GANC: variants seen among roughly 807,000 people sequenced by gnomAD.
GANC encodes glucosidase alpha, neutral C.
In GANC, 117 loss-of-function variants were observed where a neutral mutation model predicts 124.2. The observed-to-expected ratio is 0.94, with a 90% confidence interval of 0.81 to 1.10. The LOEUF is 1.10. Ranked by LOEUF, GANC falls within the 50% of genes least tolerant of loss-of-function variation. GANC has a pLI of 0.00. For synonymous variants in GANC, 377 were observed against 376.8 expected, an observed-to-expected ratio of 1.00 and a Z score of -0.01; for missense variants, 1,140 against 1,095.0, an observed-to-expected ratio of 1.04 and a Z score of -0.58.
At chr15:42,340,835 C>T (rs1454574077) in intron 18 of GANC, 81 bp downstream of exon 18, 15 of 1,082,152 alleles carry the variant, frequency 1.4e-5, no homozygotes, top group East Asian at 2.5e-5. Context: ...GATGCTATCT[C>T]GGCTCACTGC....
chr15:42,273,478 GGCGGGATTATCC>G lies in GANC; in HGVS notation c.-1002_-991del, dbSNP rs1450328357. The G allele has an allele frequency of 6.3e-7, 1 of 1,584,582 alleles. No homozygotes were observed. Among genetic ancestry groups the G allele is most frequent in the African/African-American group, 1.3e-5 (1 of 74,442 alleles). On this transcript the variant is annotated 5_prime_UTR_variant, in exon 1 of 24. Transcript: ENST00000318010. ...CGCCTTCTTCCGGCTCTGCTCTAAGGGCGGGATTATCCGGGTCCTGGAAACGTCGCGGAGCTT... is the reference window on the plus strand; with the variant it reads ...CGCCTTCTTCCGGCTCTGCTCTAAGGGGGTCCTGGAAACGTCGCGGAGCTT...
chr15:42,302,173 G>T (rs1422976690), intron 6 of GANC, among the ~76,000 whole-genome samples: 2 of 152,196 alleles, frequency 1.3e-5, no homozygotes, highest in Non-Finnish European at 2.9e-5. Context: ...AGCAATCTTT[G>T]CTGTTCTGCA....
intron 11 of GANC, 121 bp downstream of exon 11, chr15:42,322,141 A>T (rs111901432): frequency 4.0e-6 from 3 of 752,570 alleles, no homozygotes; most frequent in African/African-American, 1.8e-5. Context: ...AAAATAGTAG[A>T]TTCAAATATA....
At chr15:42,327,494 G>A in intron 13 of GANC, 52 bp downstream of exon 13, 1 of 1,315,858 alleles carries the variant, frequency 7.6e-7, no homozygotes, top group Non-Finnish European at 1.1e-6. Flanking sequence ...AGTGAAAGAA[G>A]TGGAAAAAGT....
At chr15:42,301,443 C>T (rs2051945155) in intron 6 of GANC, among the ~76,000 whole-genome samples, 1 of 151,920 alleles carries the variant, frequency 6.6e-6, no homozygotes. Context: ...AGACACCGAG[C>T]TAGCTGCAGG....
chr15:42,298,679 A>G (rs1024997635), intron 6 of GANC, among the ~76,000 whole-genome samples: 2 of 152,142 alleles, frequency 1.3e-5, no homozygotes, highest in Non-Finnish European at 2.9e-5. Flanking sequence ...CACAATATTG[A>G]TTCTTCCTAT....
intron 5 of GANC, among the ~76,000 whole-genome samples, chr15:42,295,329 A>G (rs2051880163): frequency 6.6e-6 from 1 of 152,088 alleles, no homozygotes; most frequent in Admixed American, 6.6e-5. Flanking sequence ...ACTGGTAGCT[A>G]TAGTTCCATG....
chr15:42,330,139 C>A (rs1005063509), intron 14 of GANC, among the ~76,000 whole-genome samples: 5 of 152,138 alleles, frequency 3.3e-5, no homozygotes, highest in Admixed American at 2.0e-4. Context: ...TGTGTGTTTG[C>A]CTCTTTAACA....
In GANC at chr15:42,274,421, A is replaced by C; in HGVS notation, c.-61A>C. On this transcript the variant is annotated 5_prime_UTR_variant, in exon 1 of 24. Coordinates refer to ENST00000318010, the MANE Select transcript of GANC (RefSeq NM_198141.3). ...AGAAAGACACCCAATCGGCTTTTTTAAAAGATCGCCCAGGGCCCTTGTCCT... is the reference window on the plus strand; with the variant it reads ...AGAAAGACACCCAATCGGCTTTTTTCAAAGATCGCCCAGGGCCCTTGTCCT... 6.3e-7 allele frequency: 1 copy of C among 1,575,382 alleles called. No homozygotes were observed. Among genetic ancestry groups the C allele is most frequent in the Non-Finnish European group, 8.6e-7 (1 of 1,158,852 alleles).
At chr15:42,288,936 GA>G in intron 4 of GANC, among the ~76,000 whole-genome samples, 1 of 152,254 alleles carries the variant, frequency 6.6e-6, no homozygotes, top group Admixed American at 6.5e-5. Flanking sequence ...TATCCTGAAG[GA>G]TAGTACAGCC....
Position 42,278,468 on chromosome 15 carries a change from C to T in GANC, c.93-14C>T, listed in dbSNP as rs779732231. ...CAAATAATTATCAAGCATCTGCATA[C>T]TCCGTATCTATAGGCGTCAGAAACA... is the stretch of plus-strand genomic sequence containing the variant. On this transcript the variant is annotated splice_polypyrimidine_tract_variant and intron_variant, in intron 2 of 23. Coordinates refer to ENST00000318010, the MANE Select transcript of GANC (RefSeq NM_198141.3). 74 of 1,541,288 alleles carry T rather than the reference C, an allele frequency of 4.8e-5. No individual in the cohort carries two copies. Among genetic ancestry groups the T allele is most frequent in the Middle Eastern group, 1.7e-4 (1 of 5,880 alleles).
intron 4 of GANC, 110 bp from the exon 5 acceptor site, chr15:42,292,625 G>A: frequency 9.4e-7 from 1 of 1,069,066 alleles, no homozygotes; most frequent in Non-Finnish European, 1.3e-6. Context: ...CTTATCTATG[G>A]CTATGTCACA....
intron 11 of GANC, among the ~76,000 whole-genome samples, chr15:42,325,074 G>A (rs2052187627): frequency 2.0e-5 from 3 of 151,312 alleles, no homozygotes; most frequent in Non-Finnish European, 4.4e-5. Flanking sequence ...GATCAGCCTG[G>A]CCAACATAAT....
intron 11 of GANC, among the ~76,000 whole-genome samples, chr15:42,323,594 C>T (rs2052177966): frequency 6.6e-6 from 1 of 152,114 alleles, no homozygotes; most frequent in Non-Finnish European, 1.5e-5. Context: ...CCTCCATCTC[C>T]TGGGTTCATG....
intron 1 of GANC, 40 bp from the exon 2 acceptor site, chr15:42,276,308 C>T (rs1193881125): frequency 2.1e-6 from 2 of 965,056 alleles, no homozygotes; most frequent in Non-Finnish European, 3.4e-6. Flanking sequence ...ATTCACAAGC[C>T]CTGTGTGAAA....
intron 15 of GANC, among the ~76,000 whole-genome samples, chr15:42,332,939 A>T (rs919257919): frequency 6.6e-6 from 1 of 150,740 alleles, no homozygotes; most frequent in Admixed American, 6.6e-5. Flanking sequence ...AATCGCTTGA[A>T]CCTGGGAGGC....
intron 19 of GANC, 41 bp downstream of exon 19, chr15:42,343,195 C>T (rs765699540): frequency 1.3e-6 from 2 of 1,517,734 alleles, no homozygotes; most frequent in South Asian, 2.2e-5. Flanking sequence ...TGTCTCATAT[C>T]TCTCATCCCT....
intron 16 of GANC, among the ~76,000 whole-genome samples, chr15:42,339,180 A>G (rs1041997011): frequency 3.9e-5 from 6 of 152,118 alleles, no homozygotes; most frequent in South Asian, 2.1e-4. Context: ...GTGGCCCAGC[A>G]TGGAATTCTA....
intron 16 of GANC, among the ~76,000 whole-genome samples, chr15:42,339,128 A>G (rs1429528173): frequency 6.6e-6 from 1 of 152,040 alleles, no homozygotes; most frequent in Non-Finnish European, 1.5e-5. Flanking sequence ...TTTTTATTGC[A>G]TTGGTCCATG....
Sources: gnomAD v4.1 joint callset for allele counts (sites outside exome capture counted in the v4.1 genomes callset) on GRCh38, gnomAD v4.1.1 for gene constraint, MANE v1.5 for transcripts, NCBI Gene and HGNC (gene_info 2026-07-23, HGNC 2026-07-21) for gene names.